Variants in IL1RAPL2 observed in about 807,000 individuals in gnomAD.
IL1RAPL2 encodes X-linked interleukin-1 receptor accessory protein-like 2.
IL1RAPL2 carries 3 observed loss-of-function variants against 44.1 expected under a neutral mutation model. The observed-to-expected ratio is 0.07, with a 90% CI of 0.03 to 0.18. The LOEUF is 0.18. IL1RAPL2 is among the 10% of genes least tolerant of loss of function. The pLI is 1.00. For missense variants in IL1RAPL2, 391 were observed against 496.4 expected, an observed-to-expected ratio of 0.79 and a Z score of 2.02; for synonymous variants, 181 against 178.8, an observed-to-expected ratio of 1.01 and a Z score of -0.10.
chrX:105,042,065 T>C (rs1358421967), intron 2 of IL1RAPL2, among the ~76,000 whole-genome samples: 225 of 111,058 alleles, frequency 2.0e-3, no homozygotes, highest in African/African-American at 5.9e-3. Context: ...ACACCTTATA[T>C]AAAAATCAAT....
intron 2 of IL1RAPL2, among the ~76,000 whole-genome samples, chrX:104,700,187 T>C (rs1395139833): frequency 1.8e-5 from 2 of 112,225 alleles, no homozygotes; most frequent in Non-Finnish European, 3.8e-5. Context: ...TAGTAAGAAG[T>C]ACTTTCTGAC....
At chrX:104,832,241 A>G (rs1046010406) in intron 2 of IL1RAPL2, among the ~76,000 whole-genome samples, 3 of 112,236 alleles carry the variant, frequency 2.7e-5, no homozygotes, top group Non-Finnish European at 3.8e-5. Flanking sequence ...CGCTACAGCC[A>G]TTTAATTTTT....
intron 2 of IL1RAPL2, among the ~76,000 whole-genome samples, chrX:104,755,485 A>G (rs1932326969): frequency 9.1e-6 from 1 of 110,290 alleles, no homozygotes. Flanking sequence ...GAGTTTACCT[A>G]TATAACAAAC....
At chrX:104,787,983 C>A (rs1932807164) in intron 2 of IL1RAPL2, among the ~76,000 whole-genome samples, 1 of 111,395 alleles carries the variant, frequency 9.0e-6, no homozygotes, top group Admixed American at 9.6e-5. Flanking sequence ...GGCCTATAAG[C>A]CAGGTGTAAT....
chrX:104,812,725 G>T (rs1244417854), intron 2 of IL1RAPL2, among the ~76,000 whole-genome samples: 1 of 111,021 alleles, frequency 9.0e-6, no homozygotes, highest in Non-Finnish European at 1.9e-5. Context: ...TGGGGTTTGA[G>T]TTATGTGTCC....
At chrX:105,181,180 C>G (rs782556289) in intron 2 of IL1RAPL2, among the ~76,000 whole-genome samples, 10 of 111,575 alleles carry the variant, frequency 9.0e-5, no homozygotes, top group Admixed American at 7.6e-4. Flanking sequence ...GTTGTAATGT[C>G]CCTCACTTTA....
chrX:105,597,664 A>G (rs926493812), intron 6 of IL1RAPL2, among the ~76,000 whole-genome samples: 3 of 111,425 alleles, frequency 2.7e-5, no homozygotes, highest in African/African-American at 3.3e-5. Context: ...GCTAAACCAT[A>G]TATGAGAAAT....
At chrX:105,707,771 T>A (rs2038176562) in intron 6 of IL1RAPL2, among the ~76,000 whole-genome samples, 1 of 112,104 alleles carries the variant, frequency 8.9e-6, no homozygotes, top group African/African-American at 3.2e-5. Flanking sequence ...TAGCTTATTT[T>A]GTTGTAATAA....
intron 6 of IL1RAPL2, among the ~76,000 whole-genome samples, chrX:105,534,027 C>T (rs1425895519): frequency 8.9e-6 from 1 of 112,187 alleles, no homozygotes; most frequent in Non-Finnish European, 1.9e-5. Flanking sequence ...ATTCAGTGAT[C>T]ATTTGTTTAT....
At chrX:105,090,195 G>T (rs1213108232) in intron 2 of IL1RAPL2, among the ~76,000 whole-genome samples, 2 of 111,167 alleles carry the variant, frequency 1.8e-5, no homozygotes, top group Non-Finnish European at 3.8e-5. Context: ...CATAAATACA[G>T]TTGTCCCTCA....
intron 2 of IL1RAPL2, among the ~76,000 whole-genome samples, chrX:104,833,495 A>T (rs981910562): frequency 9.0e-6 from 1 of 111,601 alleles, no homozygotes. Context: ...TCATTTGGTT[A>T]TTTTTTTTAA....
chrX:105,121,364 C>T (rs1162614856), intron 2 of IL1RAPL2, among the ~76,000 whole-genome samples: 1 of 111,582 alleles, frequency 9.0e-6, no homozygotes, highest in Non-Finnish European at 1.9e-5. Context: ...ATAATTAAGT[C>T]AGAGAGTCAT....
chrX:105,059,863 A>G, intron 2 of IL1RAPL2, among the ~76,000 whole-genome samples: 1 of 112,387 alleles, frequency 8.9e-6, no homozygotes, highest in Middle Eastern at 4.6e-3. Flanking sequence ...GTTGACAGAA[A>G]CTTAGGTTGC....
chrX:105,049,077 C>T (rs2031881579), intron 2 of IL1RAPL2, among the ~76,000 whole-genome samples: 1 of 111,395 alleles, frequency 9.0e-6, no homozygotes, highest in South Asian at 3.7e-4. Context: ...TAAAACCTTA[C>T]CATGGTCTTG....
chrX:105,660,314 C>T (rs190866526), intron 6 of IL1RAPL2, among the ~76,000 whole-genome samples: 8 of 111,025 alleles, frequency 7.2e-5, no homozygotes, highest in African/African-American at 2.6e-4. Flanking sequence ...AATACTTTCC[C>T]AGACAAACAA....
intron 2 of IL1RAPL2, among the ~76,000 whole-genome samples, chrX:105,115,589 G>T (rs184308846): frequency 6.9e-4 from 78 of 112,318 alleles, no homozygotes; most frequent in African/African-American, 2.5e-3. Context: ...AAAAAACCTT[G>T]AGCTAGATGC....
chrX:105,683,924 C>CAAAT (rs1327747901), intron 6 of IL1RAPL2, among the ~76,000 whole-genome samples: 1 of 112,130 alleles, frequency 8.9e-6, no homozygotes, highest in East Asian at 2.8e-4. Flanking sequence ...GTAGCATATA[C>CAAAT]AAATAAGAAG....
intron 5 of IL1RAPL2, among the ~76,000 whole-genome samples, chrX:105,423,745 G>A (rs1379739724): frequency 9.0e-5 from 10 of 110,636 alleles, no homozygotes; most frequent in Non-Finnish European, 1.5e-4. Context: ...CATTCTAGAA[G>A]CAGGAGAAAA....
chrX:104,650,958 A>G (rs776094349), intron 1 of IL1RAPL2, among the ~76,000 whole-genome samples: 3 of 111,839 alleles, frequency 2.7e-5, no homozygotes, highest in Admixed American at 9.5e-5. Flanking sequence ...AGTTTCCTGA[A>G]AAGTAAAATG....
Sources: allele counts gnomAD v4.1 joint callset (sites outside exome capture counted in the v4.1 genomes callset), GRCh38; gene constraint gnomAD v4.1.1; transcripts MANE v1.5; gene names NCBI Gene and HGNC (gene_info 2026-07-23, HGNC 2026-07-21).